The following MBD5 variants were observed in gnomAD, a reference collection of about 807,000 sequenced individuals.
The protein encoded by MBD5 is methyl-CpG-binding domain protein 5.
MBD5 carries 13 observed loss-of-function variants against 117.3 expected under a neutral mutation model. That is an observed-to-expected ratio of 0.11 (90% CI 0.07 to 0.18). The LOEUF is 0.18. Among genes scored for constraint, MBD5 ranks in the 10% least tolerant of loss-of-function variants. The probability of loss-of-function intolerance (pLI) is 1.00; values close to 1 mark genes in which losing one functional copy is unlikely to be tolerated. For synonymous variants in MBD5, 727 were observed against 766.4 expected, an observed-to-expected ratio of 0.95 and a Z score of 0.85; for missense variants, 1,879 against 2,093.8, an observed-to-expected ratio of 0.90 and a Z score of 2.00.
At chr2:148,179,149 T>C (rs1331823506) in intron 2 of MBD5, among the ~76,000 whole-genome samples, 1 of 151,984 alleles carries the variant, frequency 6.6e-6, no homozygotes, top group Admixed American at 6.5e-5. Flanking sequence ...GGTCAGGAGA[T>C]CCAGACCATC....
At chr2:148,387,104 G>T (rs1704396570) in intron 4 of MBD5, among the ~76,000 whole-genome samples, 1 of 152,036 alleles carries the variant, frequency 6.6e-6, no homozygotes, top group Admixed American at 6.6e-5. Flanking sequence ...AAGACAGCAA[G>T]AGAAAGTAAA....
At chr2:148,429,944 T>G (rs985075679) in intron 4 of MBD5, among the ~76,000 whole-genome samples, 4 of 152,126 alleles carry the variant, frequency 2.6e-5, no homozygotes, top group East Asian at 3.8e-4. Flanking sequence ...TGTATACCTA[T>G]GCAACAAATC....
intron 3 of MBD5, among the ~76,000 whole-genome samples, chr2:148,285,147 T>C (rs1869342): frequency 0.94 from 143,462 of 152,316 alleles, 68,112 homozygotes; most frequent in East Asian, 1. Context: ...ATTTTAATCA[T>C]ATTTCAAAGC....
intron 1 of MBD5, among the ~76,000 whole-genome samples, chr2:148,035,968 A>G (rs1006851885): frequency 1.3e-5 from 2 of 152,220 alleles, no homozygotes; most frequent in Admixed American, 6.5e-5. Flanking sequence ...GTTGTACTAT[A>G]GAAAATAGTG....
chr2:148,501,463 CTA>C (rs1334942439), intron 11 of MBD5, among the ~76,000 whole-genome samples: 3 of 152,302 alleles, frequency 2.0e-5, no homozygotes, highest in Admixed American at 6.5e-5. Flanking sequence ...TGCCTTGAAA[CTA>C]TGCTTACATA....
At position 148,091,905 on chromosome 2, in the gene MBD5, A is replaced by T. The variant is rs536427569; in HGVS notation, c.-925+70221A>T. 5.0e-4 allele frequency among the ~76,000 whole-genome samples: 76 copies of T among 152,354 alleles called. 1 individual carries two copies. In the South Asian group the frequency reaches 0.016, roughly 31 times the overall value. On this transcript the variant is annotated intron_variant, in intron 1 of 13. Transcript: ENST00000642680. ...CCAAGAGTATGAGAAAATATTCTGC[A>T]ACTATGCATCTGACAAAGGACTAAT... is the stretch of plus-strand genomic sequence containing the variant.
intron 3 of MBD5, among the ~76,000 whole-genome samples, chr2:148,330,053 C>CCCCCCCCCA (rs1559026394): frequency 1.9e-4 from 4 of 21,088 alleles, no homozygotes; most frequent in Non-Finnish European, 4.3e-4. Context: ...GCCCCCCCCA[C>CCCCCCCCCA]ACACACACAC....
At chr2:148,345,452 C>CACATATGTATATACACAT (rs1559033104) in intron 4 of MBD5, among the ~76,000 whole-genome samples, 11 of 80,224 alleles carry the variant, frequency 1.4e-4, no homozygotes, top group Non-Finnish European at 2.9e-4. Context: ...TATACACATA[C>CACATATGTATATACACAT]ACATATACAT....
At chr2:148,219,812 T>G (rs1699640116) in intron 2 of MBD5, 1 of 152,188 alleles carries the variant, frequency 6.6e-6, no homozygotes, top group African/African-American at 2.4e-5. Flanking sequence ...TTTAAACAAA[T>G]AAACATGCTT....
intron 3 of MBD5, among the ~76,000 whole-genome samples, chr2:148,258,897 C>T (rs957883487): frequency 6.6e-6 from 1 of 152,134 alleles, no homozygotes; most frequent in Non-Finnish European, 1.5e-5. Flanking sequence ...CCTTCTGCTT[C>T]CCTGAGAGCC....
At chr2:148,463,704 A>G (rs1027002865) in intron 6 of MBD5, 35 bp from the exon 7 acceptor site, 8 of 1,608,260 alleles carry the variant, frequency 5.0e-6, no homozygotes, top group African/African-American at 2.7e-5. Context: ...ATGTTTTTAC[A>G]GACATATTCT....
chr2:148,093,460 T>G (rs990944778), intron 1 of MBD5, among the ~76,000 whole-genome samples: 9 of 152,172 alleles, frequency 5.9e-5, no homozygotes, highest in Non-Finnish European at 1.3e-4. Context: ...TGAGGCAGGT[T>G]TTTGATTTTG....
At chr2:148,427,839 T>A (rs1705852810) in intron 4 of MBD5, among the ~76,000 whole-genome samples, 1 of 150,412 alleles carries the variant, frequency 6.6e-6, no homozygotes, top group African/African-American at 2.4e-5. Flanking sequence ...TACCCAAAAA[T>A]GTCCACAAAA....
chr2:148,323,830 G>C (rs1028440200), intron 3 of MBD5, among the ~76,000 whole-genome samples: 1 of 152,142 alleles, frequency 6.6e-6, no homozygotes, highest in Non-Finnish European at 1.5e-5. Flanking sequence ...TTGCTGTGCA[G>C]AAGCTCTTTA....
rs547253761 is a variant in MBD5 at position 148,078,668 on chromosome 2, C to T, written c.-925+56984C>T. ...GCTCTTTCTACAGTAGCTAAAATAG[C>T]GTAAGTATATATTATCCATTGGAAC... On this transcript the variant is annotated intron_variant, in intron 1 of 13. Coordinates refer to ENST00000642680, the MANE Select transcript of MBD5 (RefSeq NM_001378120.1). Among the ~76,000 whole-genome samples the T allele has an allele frequency of 5.9e-5, 9 of 152,246 alleles. No individual in the cohort carries two copies. In the South Asian group the frequency reaches 1.4e-3, roughly 25 times the overall value.
intron 3 of MBD5, among the ~76,000 whole-genome samples, chr2:148,265,524 TAAAC>T (rs999272359): frequency 7.6e-6 from 1 of 131,972 alleles, no homozygotes; most frequent in African/African-American, 2.9e-5. Context: ...TTTTCTGTCA[TAAAC>T]AATGCTTTGA....
At chr2:148,290,158 A>T (rs2106422970) in intron 3 of MBD5, among the ~76,000 whole-genome samples, 1 of 143,848 alleles carries the variant, frequency 7.0e-6, no homozygotes, top group Admixed American at 7.2e-5. Context: ...GTGTTTCACC[A>T]CGTTGGCCAG....
intron 4 of MBD5, among the ~76,000 whole-genome samples, chr2:148,452,455 G>T (rs1381008219): frequency 1.3e-5 from 2 of 152,028 alleles, no homozygotes; most frequent in African/African-American, 4.8e-5. Context: ...AGCCGTGATT[G>T]TGCCATTGCC....
intron 3 of MBD5, among the ~76,000 whole-genome samples, chr2:148,302,734 A>T (rs572609919): frequency 1.3e-5 from 2 of 151,960 alleles, no homozygotes; most frequent in East Asian, 3.9e-4. Context: ...TCCTGGTTTC[A>T]AGTGATCCAC....
Sources: allele counts gnomAD v4.1 joint callset (sites outside exome capture counted in the v4.1 genomes callset), GRCh38; gene constraint gnomAD v4.1.1; transcripts MANE v1.5; gene names NCBI Gene and HGNC (gene_info 2026-07-23, HGNC 2026-07-21).